Variants in SPRY3 observed in about 807,000 individuals in gnomAD.
The protein encoded by SPRY3 is protein sprouty homolog 3.
Under a neutral mutation model 20.2 loss-of-function variants are expected in SPRY3, and 15 were observed. That is an observed-to-expected ratio of 0.74 (90% confidence interval 0.50 to 1.14). The LOEUF is 1.14. Among genes scored for constraint, SPRY3 ranks in the 50% most tolerant of loss-of-function variants. The pLI, the probability that SPRY3 is intolerant of heterozygous loss-of-function variation, is 0.00. For synonymous variants in SPRY3, 143 were observed against 136.5 expected (o/e 1.05, Z -0.33); for missense variants, 364 against 363.9 (o/e 1.00, Z 0.00).
chrX:155,719,580 G>A (rs1458111950), intron 2 of SPRY3, among the ~76,000 whole-genome samples: 1 of 151,978 alleles, frequency 6.6e-6, no homozygotes, highest in African/African-American at 2.4e-5. Context: ...TTCCACCTAA[G>A]GAAAGGATAG....
At chrX:155,726,794 T>TA (rs1413914282) in intron 2 of SPRY3, among the ~76,000 whole-genome samples, 1 of 152,202 alleles carries the variant, frequency 6.6e-6, no homozygotes, top group African/African-American at 2.4e-5. Flanking sequence ...TCTGTGTTGT[T>TA]TAATTGGGGC....
rs141709751 is a variant in SPRY3 at position 155,769,792 on chromosome X, A to C, written c.-107+1656A>C. Among the ~76,000 whole-genome samples the C allele has an allele frequency of 2.8e-4, 42 of 152,326 alleles. No homozygotes were observed. In the East Asian group the frequency reaches 7.5e-3, roughly 27 times the overall value. On this transcript the variant is annotated intron_variant, in intron 3 of 3. Coordinates refer to ENST00000675360, the Ensembl canonical transcript of SPRY3. ...TAGCAAAGTGACAAGTTAAGAGTTAAATGTGGTGAGAACCTGGCAGCTCCA... is the reference window on the plus strand; with the variant it reads ...TAGCAAAGTGACAAGTTAAGAGTTACATGTGGTGAGAACCTGGCAGCTCCA...
At chrX:155,761,974 C>G (rs2091305975) in intron 2 of SPRY3, among the ~76,000 whole-genome samples, 1 of 152,088 alleles carries the variant, frequency 6.6e-6, no homozygotes, top group Admixed American at 6.5e-5. Flanking sequence ...TGTTAACAAG[C>G]CTTAAAATTC....
intron 3 of SPRY3, among the ~76,000 whole-genome samples, chrX:155,770,792 A>G (rs2091375728): frequency 6.6e-6 from 1 of 152,156 alleles, no homozygotes; most frequent in East Asian, 1.9e-4. Context: ...CCTATGTGCT[A>G]CAGCAGTGTC....
chrX:155,639,129 C>A (rs906795824), intron 1 of SPRY3, among the ~76,000 whole-genome samples: 1 of 112,041 alleles, frequency 8.9e-6, no homozygotes, highest in Admixed American at 9.5e-5. Flanking sequence ...TACAATATAT[C>A]CATACATTTA....
chrX:155,710,477 A>G (rs1401476741), intron 2 of SPRY3, among the ~76,000 whole-genome samples: 1 of 151,696 alleles, frequency 6.6e-6, no homozygotes, highest in Non-Finnish European at 1.5e-5. Flanking sequence ...CTGTTGGAAT[A>G]TAGTAATGCC....
chrX:155,775,001 A>G (rs1273727166), exon 4 of SPRY3: 1 of 573,072 alleles, frequency 1.7e-6, no homozygotes, highest in African/African-American at 1.9e-5. Flanking sequence ...CAGGTGATAT[A>G]TGGGTATGAG....
intron 2 of SPRY3, among the ~76,000 whole-genome samples, chrX:155,733,527 G>A (rs2091148576): frequency 1.3e-5 from 2 of 151,806 alleles, no homozygotes; most frequent in South Asian, 4.2e-4. Flanking sequence ...TCCATTTCTA[G>A]AGCATAGGCA....
chrX:155,736,352 A>C (rs553167054), intron 2 of SPRY3, among the ~76,000 whole-genome samples: 1 of 151,948 alleles, frequency 6.6e-6, no homozygotes, highest in South Asian at 2.1e-4. Context: ...CCTTCTTTTA[A>C]CATTTTTTTA....
At chrX:155,742,999 C>T (rs1203510415) in intron 2 of SPRY3, among the ~76,000 whole-genome samples, 2 of 151,740 alleles carry the variant, frequency 1.3e-5, no homozygotes, top group Non-Finnish European at 2.9e-5. Context: ...GACAGAGAAA[C>T]AAAAAACCCT....
At chrX:155,638,563 T>C (rs2067931940) in intron 1 of SPRY3, among the ~76,000 whole-genome samples, 1 of 107,461 alleles carries the variant, frequency 9.3e-6, no homozygotes, top group Admixed American at 1.0e-4. Flanking sequence ...CCATCTTTCC[T>C]GCTATTCTGT....
intron 2 of SPRY3, among the ~76,000 whole-genome samples, chrX:155,709,148 T>C (rs1032791435): frequency 4.0e-5 from 6 of 151,740 alleles, no homozygotes; most frequent in Admixed American, 1.3e-4. Flanking sequence ...CAGATGTCTC[T>C]TTGATATACT....
At chrX:155,619,144 AAGTTTTAT>A in intron 1 of SPRY3, among the ~76,000 whole-genome samples, 1 of 111,177 alleles carries the variant, frequency 9.0e-6, no homozygotes, top group African/African-American at 3.3e-5. Flanking sequence ...TTTTTAAAAA[AAGTTTTAT>A]AGTTTTGTGG....
chrX:155,743,424 C>T (rs2091212558), intron 2 of SPRY3, among the ~76,000 whole-genome samples: 1 of 152,018 alleles, frequency 6.6e-6, no homozygotes, highest in African/African-American at 2.4e-5. Context: ...ATAAGGGCCC[C>T]TGGACTTAAT....
At chrX:155,752,844 C>A (rs2091269666) in intron 2 of SPRY3, among the ~76,000 whole-genome samples, 1 of 151,768 alleles carries the variant, frequency 6.6e-6, no homozygotes, top group South Asian at 2.1e-4. Context: ...ATCAACATTT[C>A]AAAACATGTA....
At chrX:155,706,421 C>T (rs1684912324) in intron 2 of SPRY3, among the ~76,000 whole-genome samples, 1 of 150,936 alleles carries the variant, frequency 6.6e-6, no homozygotes, top group Admixed American at 6.6e-5. Flanking sequence ...ATAAGTCTTA[C>T]ATAAATAATC....
chrX:155,698,598 C>T (rs924897779), intron 2 of SPRY3, among the ~76,000 whole-genome samples: 15 of 111,207 alleles, frequency 1.3e-4, no homozygotes, highest in Non-Finnish European at 2.8e-4. Context: ...TGTACCAATC[C>T]CCAAATCAAT....
chrX:155,704,801 A>T (rs2090938258), intron 2 of SPRY3, among the ~76,000 whole-genome samples: 2 of 151,696 alleles, frequency 1.3e-5, no homozygotes, highest in Non-Finnish European at 3.0e-5. Flanking sequence ...TAGAGAAAAA[A>T]GATAATAACA....
intron 2 of SPRY3, among the ~76,000 whole-genome samples, chrX:155,716,888 C>G (rs2091026655): frequency 1.3e-5 from 2 of 150,382 alleles, no homozygotes; most frequent in Non-Finnish European, 1.5e-5. Context: ...AATCCCAGCA[C>G]TTTGGGAGGC....
Sources: gnomAD v4.1 joint callset for allele counts (sites outside exome capture counted in the v4.1 genomes callset) on GRCh38, gnomAD v4.1.1 for gene constraint, MANE v1.5 for transcripts, NCBI Gene and HGNC (gene_info 2026-07-23, HGNC 2026-07-21) for gene names.